The following TTLL11 variants were observed in gnomAD, a reference collection of about 807,000 sequenced individuals.
TTLL11 encodes the protein tubulin polyglutamylase TTLL11.
In TTLL11, 42 loss-of-function variants were observed where a neutral mutation model predicts 51.7. The observed-to-expected ratio is 0.81, with a 90% CI of 0.64 to 1.05. TTLL11 has a LOEUF of 1.05. Among genes scored for constraint, TTLL11 ranks in the 50% least tolerant of loss-of-function variants. The probability of loss-of-function intolerance (pLI) is 0.00; values close to 1 mark genes in which losing one functional copy is unlikely to be tolerated. For missense variants in TTLL11, 799 were observed against 940.4 expected (o/e 0.85, Z 1.97); for synonymous variants, 381 against 383.5 (o/e 0.99, Z 0.08).
chr9:122,084,467 A>G (rs1009837010), intron 1 of TTLL11, among the ~76,000 whole-genome samples: 6 of 152,162 alleles, frequency 3.9e-5, no homozygotes, highest in African/African-American at 1.4e-4. Context: ...TGGAATAGAG[A>G]AACCTAATCG....
At chr9:121,865,403 C>G (rs1838148245) in intron 7 of TTLL11, among the ~76,000 whole-genome samples, 1 of 152,176 alleles carries the variant, frequency 6.6e-6, no homozygotes, top group South Asian at 2.1e-4. Flanking sequence ...TCACATGAAG[C>G]AAATGCTCAC....
At chr9:122,029,332 G>A (rs72767729) in intron 3 of TTLL11, among the ~76,000 whole-genome samples, 6,650 of 152,170 alleles carry the variant, frequency 0.044, 174 homozygotes, top group African/African-American at 0.074. Flanking sequence ...AGGTATTCCA[G>A]AAGAAAGCAC....
chr9:121,989,628 G>A lies in TTLL11; in HGVS notation c.836C>T (p.Ala279Val), dbSNP rs145379039. ...TTTGCAGATGTACTCCTGGACCACC[G>A]CTGGCCTGCTCTGGAGGGTCCCTGC... ...RLAGTLQSRP[A>V]VVQEYICKPL... The change falls in exon 4 of 9, where the codon GCG becomes GTG. Residue 279 changes from alanine (A) to valine (V), a missense_variant. Ala to Val is a moderately conservative substitution (Grantham distance 64). Transcript: ENST00000321582. This position sits in a 1 kb window ranked among gnomAD's most constrained non-coding sequence, Gnocchi z 4.2. The A allele has an allele frequency of 1.1e-4, 171 of 1,614,010 alleles. No individual in the cohort carries two copies. Among genetic ancestry groups the A allele is most frequent in the Non-Finnish European group, 1.3e-4 (159 of 1,180,032 alleles).
chr9:121,977,039 T>C (rs910515510), intron 4 of TTLL11, among the ~76,000 whole-genome samples: 4 of 152,188 alleles, frequency 2.6e-5, no homozygotes, highest in African/African-American at 9.7e-5. Context: ...GTATATTTTG[T>C]ACTTTCTCAG....
rs747574093 is a variant in TTLL11, at chr9:122,031,858, T to G, written c.560-2A>C. ...TTTTACGCACCATCTCCGTCATGCC[T>G]GGGGAGAAGAGACGCTGTGAGGTTT... is the stretch of plus-strand genomic sequence containing the variant. On this transcript the variant is annotated splice_acceptor_variant, in intron 2 of 8. Coordinates refer to ENST00000321582, the MANE Select transcript of TTLL11 (RefSeq NM_001139442.2). LOFTEE classifies it high-confidence loss of function. 6 of 1,612,346 alleles carry G rather than the reference T, an allele frequency of 3.7e-6. No individual in the cohort carries two copies. In the South Asian group the frequency reaches 5.5e-5, roughly 15 times the overall value.
At chr9:121,899,365 G>GTATATATATACA (rs1554766916) in intron 6 of TTLL11, among the ~76,000 whole-genome samples, 7 of 113,240 alleles carry the variant, frequency 6.2e-5, no homozygotes, top group East Asian at 3.1e-4. Context: ...ATGTGTGTGT[G>GTATATATATACA]TATATATATA....
chr9:121,933,142 G>C (rs562619775), intron 6 of TTLL11, among the ~76,000 whole-genome samples: 1 of 152,146 alleles, frequency 6.6e-6, no homozygotes, highest in South Asian at 2.1e-4. Context: ...TAGGTACAAA[G>C]GGGAAATGAT....
At chr9:121,825,070 A>G (rs78393509) in intron 8 of TTLL11, among the ~76,000 whole-genome samples, 1,735 of 152,356 alleles carry the variant, frequency 0.011, 34 homozygotes, top group African/African-American at 0.04. Context: ...CACCAGGGTT[A>G]CTTTTAATGT....
chr9:121,844,844 G>GA (rs1184484136), intron 8 of TTLL11, among the ~76,000 whole-genome samples: 1 of 150,850 alleles, frequency 6.6e-6, no homozygotes, highest in Non-Finnish European at 1.5e-5. Flanking sequence ...AAAAAATACT[G>GA]AAAAAAAGGA....
intron 1 of TTLL11, among the ~76,000 whole-genome samples, chr9:122,062,639 T>C (rs753881848): frequency 2.0e-5 from 3 of 151,648 alleles, no homozygotes; most frequent in Non-Finnish European, 4.4e-5. Flanking sequence ...TGGCTAATTT[T>C]TGTATTTTTA....
At chr9:122,043,924 T>C (rs546333903) in intron 1 of TTLL11, among the ~76,000 whole-genome samples, 32 of 152,328 alleles carry the variant, frequency 2.1e-4, no homozygotes, top group African/African-American at 7.2e-4. Context: ...TTGTTACATA[T>C]GTATACATGT....
chr9:122,038,568 GA>G (rs1844762276), intron 2 of TTLL11, among the ~76,000 whole-genome samples: 1 of 152,216 alleles, frequency 6.6e-6, no homozygotes. Context: ...AGAATTGCTT[GA>G]ACCTGGGAGG....
At chr9:121,900,334 G>GT (rs1839725491) in intron 6 of TTLL11, among the ~76,000 whole-genome samples, 1 of 152,252 alleles carries the variant, frequency 6.6e-6, no homozygotes, top group Admixed American at 6.5e-5. Context: ...CATTGTTACT[G>GT]TTGCGAAGTC....
In TTLL11 at chr9:121,820,576, T is replaced by TTC. The variant is rs571675257; in HGVS notation, c.*2009_*2010dup. 1.6e-4 allele frequency among the ~76,000 whole-genome samples: 25 copies of TTC among 152,144 alleles called. No homozygotes were observed. The highest frequency in any genetic ancestry group is 1.6e-3 in the East Asian group (8 of 5,138). Reference sequence around the variant, plus strand: ...GGGTCTTTACTTGGAGCTGAATTCATTCTCACCCAGGGACAAGGAGCCAAA... The same window carrying TTC: ...GGGTCTTTACTTGGAGCTGAATTCATTCTCTCACCCAGGGACAAGGAGCCAAA... On this transcript the variant is annotated 3_prime_UTR_variant, in exon 9 of 9. Coordinates refer to ENST00000321582, the MANE Select transcript of TTLL11 (RefSeq NM_001139442.2).
At chr9:121,957,603 C>T (rs1842060130) in intron 6 of TTLL11, among the ~76,000 whole-genome samples, 1 of 152,216 alleles carries the variant, frequency 6.6e-6, no homozygotes, top group Admixed American at 6.5e-5. Context: ...ACTCTGGTAG[C>T]CCCCTTCCCA....
At chr9:121,868,169 C>A (rs1036499050) in intron 7 of TTLL11, among the ~76,000 whole-genome samples, 5 of 152,072 alleles carry the variant, frequency 3.3e-5, no homozygotes, top group African/African-American at 4.8e-5. Context: ...GAGAGAAGCA[C>A]CCCAGCTTGC....
intron 8 of TTLL11, among the ~76,000 whole-genome samples, chr9:121,843,783 C>T (rs1837430923): frequency 1.3e-5 from 2 of 152,158 alleles, no homozygotes; most frequent in Non-Finnish European, 2.9e-5. Context: ...AGCCATCCTC[C>T]TACCTCAGCC....
chr9:121,985,678 G>A (rs540685929), intron 4 of TTLL11, among the ~76,000 whole-genome samples: 2 of 151,800 alleles, frequency 1.3e-5, no homozygotes, highest in African/African-American at 2.4e-5. Context: ...CTCAACACCC[G>A]GCTAATTTTT....
chr9:122,059,535 G>A (rs992427749), intron 1 of TTLL11, among the ~76,000 whole-genome samples: 1 of 152,152 alleles, frequency 6.6e-6, no homozygotes, highest in Non-Finnish European at 1.5e-5. Flanking sequence ...TGCAGCTCTA[G>A]CCCTAGAGAA....
Sources: gnomAD v4.1 joint callset for allele counts (sites outside exome capture counted in the v4.1 genomes callset) on GRCh38, gnomAD v4.1.1 for gene constraint, Gnocchi (gnomAD v3.1) non-coding constraint, MANE v1.5 for transcripts, NCBI Gene and HGNC (gene_info 2026-07-23, HGNC 2026-07-21) for gene names.